The following TSHZ2 variants were observed in gnomAD, a reference collection of about 807,000 sequenced individuals.
The protein encoded by TSHZ2 is teashirt homolog 2.
Under a neutral mutation model 74.4 loss-of-function variants are expected in TSHZ2, and 21 were observed. The observed-to-expected ratio is 0.28, with a 90% CI of 0.20 to 0.41. The LOEUF is 0.41. Among genes scored for constraint, TSHZ2 ranks in the 10% least tolerant of loss-of-function variants. The pLI is 1.00. For synonymous variants in TSHZ2, 540 were observed against 515.3 expected, an observed-to-expected ratio of 1.05 and a Z score of -0.65; for missense variants, 1,244 against 1,293.5, an observed-to-expected ratio of 0.96 and a Z score of 0.59.
chr20:53,078,859 A>T (rs940268425), intron 1 of TSHZ2, among the ~76,000 whole-genome samples: 2 of 152,158 alleles, frequency 1.3e-5, no homozygotes, highest in Non-Finnish European at 2.9e-5. Context: ...CCATTTGGGA[A>T]CTGTTAAGTT....
At chr20:53,401,788 T>C (rs1354477903) in intron 2 of TSHZ2, among the ~76,000 whole-genome samples, 2 of 146,124 alleles carry the variant, frequency 1.4e-5, no homozygotes, top group Admixed American at 1.4e-4. Flanking sequence ...TTTTTTTTTT[T>C]TTTTTTTTTC....
intron 1 of TSHZ2, among the ~76,000 whole-genome samples, chr20:53,142,519 A>C (rs1414515466): frequency 1.3e-5 from 2 of 152,256 alleles, no homozygotes; most frequent in Non-Finnish European, 2.9e-5. Context: ...ATACAAGCAC[A>C]GGAAGGAAGA....
chr20:53,417,700 G>A lies in TSHZ2; in HGVS notation c.*9-69444G>A, dbSNP rs148078512. Among the ~76,000 whole-genome samples, 358 of 152,212 alleles carry A rather than the reference G, an allele frequency of 2.4e-3. 2 individuals are homozygous for A. Among genetic ancestry groups the A allele is most frequent in the African/African-American group, 8.0e-3 (334 of 41,532 alleles). Reference sequence around the variant, plus strand: ...CTCAGCCTATCAGAAAATTTCTGATGTCTAACCTAATTCCTGCTTGCTGCA... The same window carrying A: ...CTCAGCCTATCAGAAAATTTCTGATATCTAACCTAATTCCTGCTTGCTGCA... On this transcript the variant is annotated intron_variant, in intron 2 of 2. Coordinates refer to ENST00000371497, the MANE Select transcript of TSHZ2 (RefSeq NM_173485.6).
chr20:53,403,580 G>A (rs543277704), intron 2 of TSHZ2, among the ~76,000 whole-genome samples: 10 of 152,282 alleles, frequency 6.6e-5, no homozygotes, highest in Middle Eastern at 3.4e-3. Context: ...TCATGTTCAC[G>A]GATGGCTCTG....
chr20:53,116,657 G>T (rs755547668), intron 1 of TSHZ2, among the ~76,000 whole-genome samples: 1 of 152,042 alleles, frequency 6.6e-6, no homozygotes, highest in South Asian at 2.1e-4. Flanking sequence ...TGGCATGAAC[G>T]TCACCTACCT....
intron 2 of TSHZ2, among the ~76,000 whole-genome samples, chr20:53,273,163 A>G (rs1422137414): frequency 6.6e-6 from 1 of 152,256 alleles, no homozygotes; most frequent in African/African-American, 2.4e-5. Context: ...GCTTTGTAGA[A>G]CATGCTAAGA....
At chr20:53,226,119 A>AACACACACACACAC (rs11470731) in intron 1 of TSHZ2, among the ~76,000 whole-genome samples, 1 of 147,538 alleles carries the variant, frequency 6.8e-6, no homozygotes, top group Non-Finnish European at 1.5e-5. Flanking sequence ...GACTAAATTT[A>AACACACACACACAC]ACACACACAC....
At chr20:53,051,880 A>G (rs1303911728) in intron 1 of TSHZ2, among the ~76,000 whole-genome samples, 1 of 152,224 alleles carries the variant, frequency 6.6e-6, no homozygotes, top group Non-Finnish European at 1.5e-5. Context: ...CAGGAGAAAG[A>G]AACAATTGTG....
At chr20:53,431,189 A>C (rs1983836182) in intron 2 of TSHZ2, among the ~76,000 whole-genome samples, 1 of 151,814 alleles carries the variant, frequency 6.6e-6, no homozygotes, top group Non-Finnish European at 1.5e-5. Context: ...GGCTGGGTGC[A>C]GTAGCTCATG....
chr20:53,252,239 G>A (rs1990348903), intron 1 of TSHZ2, among the ~76,000 whole-genome samples: 1 of 152,176 alleles, frequency 6.6e-6, no homozygotes, highest in African/African-American at 2.4e-5. Context: ...TGCCTCACAG[G>A]ATGGACCTCC....
At chr20:53,294,461 C>T (rs1991338495) in intron 2 of TSHZ2, among the ~76,000 whole-genome samples, 1 of 151,782 alleles carries the variant, frequency 6.6e-6, no homozygotes, top group South Asian at 2.1e-4. Flanking sequence ...CTTTGGAAGT[C>T]CACAAGCTTA....
intron 2 of TSHZ2, among the ~76,000 whole-genome samples, chr20:53,345,824 C>T (rs560355093): frequency 6.2e-4 from 94 of 151,536 alleles, no homozygotes; most frequent in Non-Finnish European, 1.2e-3. Context: ...AAGGCGGTGG[C>T]GTGATCACGT....
chr20:53,425,229 G>T (rs1262677591), intron 2 of TSHZ2, among the ~76,000 whole-genome samples: 1 of 152,200 alleles, frequency 6.6e-6, no homozygotes, highest in Non-Finnish European at 1.5e-5. Context: ...ACATAGCAGA[G>T]CAGAAATATA....
Position 53,256,443 on chromosome 20 carries a change from G to T in TSHZ2, c.2985G>T (p.Lys995Asn). The T allele has an allele frequency of 6.2e-7, 1 of 1,614,160 alleles. No individual in the cohort carries two copies. Among genetic ancestry groups the T allele is most frequent in the Non-Finnish European group, 8.5e-7 (1 of 1,179,984 alleles). Reference protein sequence around the residue: ...AAEEDTDSKFKCKLCCRTFVS... With the variant: ...AAEEDTDSKFNCKLCCRTFVS... ...AAGAGGACACAGACTCTAAATTCAA[G>T]TGTAAGTTGTGCTGTCGGACATTTG... Residue 995 changes from lysine to asparagine, a missense_variant, in exon 2 of 3, where the codon AAG (lysine) becomes AAT (asparagine). Lys to Asn is a moderately conservative substitution (Grantham distance 94). Coordinates refer to ENST00000371497, the MANE Select transcript of TSHZ2 (RefSeq NM_173485.6). The surrounding 1 kb of genome is among the most constrained non-coding windows in gnomAD (Gnocchi z 4.3).
At chr20:53,406,361 G>A (rs1178544466) in intron 2 of TSHZ2, among the ~76,000 whole-genome samples, 1 of 152,226 alleles carries the variant, frequency 6.6e-6, no homozygotes, top group Non-Finnish European at 1.5e-5. Flanking sequence ...AAGCCAGGAG[G>A]TGACATTATT....
chr20:53,270,748 T>C (rs1407662538), intron 2 of TSHZ2, among the ~76,000 whole-genome samples: 3 of 152,190 alleles, frequency 2.0e-5, no homozygotes, highest in African/African-American at 7.2e-5. Flanking sequence ...TTCAGCAAAT[T>C]GACACTTCAA....
intron 2 of TSHZ2, among the ~76,000 whole-genome samples, chr20:53,389,422 A>G (rs571783841): frequency 7.2e-5 from 11 of 152,364 alleles, no homozygotes; most frequent in Middle Eastern, 3.4e-3. Context: ...AATTGTGTCT[A>G]AGTCCACATT....
chr20:53,165,819 C>T (rs899359713), intron 1 of TSHZ2, among the ~76,000 whole-genome samples: 1 of 152,172 alleles, frequency 6.6e-6, no homozygotes, highest in African/African-American at 2.4e-5. Flanking sequence ...TCCCAGCCAC[C>T]CTTGACTGCC....
At chr20:53,415,731 C>A (rs112651535) in intron 2 of TSHZ2, among the ~76,000 whole-genome samples, 47 of 372 alleles carry the variant, frequency 0.13, no homozygotes, top group East Asian at 0.33. Context: ...ATGTGTGTGC[C>A]TGTGTGTATA....
Sources: gnomAD v4.1 joint callset for allele counts (sites outside exome capture counted in the v4.1 genomes callset) on GRCh38, gnomAD v4.1.1 for gene constraint, Gnocchi (gnomAD v3.1) non-coding constraint, MANE v1.5 for transcripts, NCBI Gene and HGNC (gene_info 2026-07-23, HGNC 2026-07-21) for gene names.